Variants in BAG6 observed in about 807,000 individuals in gnomAD.
The protein encoded by BAG6 is large proline-rich protein BAG6.
In BAG6, 22 loss-of-function variants were observed where a neutral mutation model predicts 121.0. That is an observed-to-expected ratio of 0.18 (90% CI 0.13 to 0.26). BAG6 has a LOEUF of 0.26. Ranked by LOEUF, BAG6 falls within the 10% of genes least tolerant of loss-of-function variation. The probability of loss-of-function intolerance (pLI) is 1.00; values close to 1 mark genes in which losing one functional copy is unlikely to be tolerated. For missense variants in BAG6, 1,233 were observed against 1,537.7 expected, an observed-to-expected ratio of 0.80 and a Z score of 3.31; for synonymous variants, 583 against 584.6, an observed-to-expected ratio of 1.00 and a Z score of 0.04.
In BAG6 at chr6:31,639,085, A is replaced by G. The variant is rs763717254; in HGVS notation, c.*46T>C. ...TATTTCTTAAATACTGTGAAGGAAG[A>G]GGGGGGAAACGGTCCCCTGATGAGG... On this transcript the variant is annotated 3_prime_UTR_variant, in exon 26 of 26. Transcript: ENST00000676615. 6.7e-7 allele frequency: 1 copy of G among 1,488,014 alleles called. No individual in the cohort carries two copies. Among genetic ancestry groups the G allele is most frequent in the Non-Finnish European group, 9.3e-7 (1 of 1,079,542 alleles). 92.2% of individuals were successfully genotyped at this position (1,488,014 alleles called of 1,614,324 possible).
At position 31,642,175 on chromosome 6, in the gene BAG6, C is replaced by T; in HGVS notation, c.2272G>A (p.Ala758Thr). 6.2e-7 allele frequency: 1 copy of T among 1,612,952 alleles called. No homozygotes were observed. Among genetic ancestry groups the T allele is most frequent in the Non-Finnish European group, 8.5e-7 (1 of 1,180,008 alleles). The part of the protein sequence containing the change: ...ARAGSSESIA[A>T]FIQRLSGSSN... ...GATCCACTGAGGCGTTGTATGAAGG[C>T]AGCAATACTTTCACTGCTGCCAGCC... Residue 758 changes from alanine (A) to threonine (T), a missense_variant, in exon 16 of 26, where the codon GCC becomes ACC. Ala to Thr is a moderately conservative substitution (Grantham distance 58, BLOSUM62 0). Coordinates refer to ENST00000676615, the MANE Select transcript of BAG6 (RefSeq NM_001387994.1).
At position 31,647,726 on chromosome 6, in the gene BAG6, A is replaced by G. The variant is rs771791574; in HGVS notation, c.653T>C (p.Val218Ala). ...CTCCCGGGGAGGTGCTTCACTTTCAACTGGTTCTGATGTTTGAGAGCTCAA... is the reference window on the plus strand; with the variant it reads ...CTCCCGGGGAGGTGCTTCACTTTCAGCTGGTTCTGATGTTTGAGAGCTCAA... The part of the protein sequence containing the change: ...VALSSQTSEP[V>A]ESEAPPREPM... The change falls in exon 7 of 26, where the codon GTT becomes GCT. Residue 218 changes from valine (V) to alanine (A), a missense_variant. This residue lies in a region of BAG6 where 777 missense variants were observed against 861.4 expected (regional missense o/e 0.90). Transcript: ENST00000676615. The G allele has an allele frequency of 5.6e-6, 9 of 1,603,768 alleles. No homozygotes were observed. The highest frequency in any genetic ancestry group is 7.6e-6 in the Non-Finnish European group (9 of 1,176,650).
At chr6:31,647,977 T>C in intron 6 of BAG6, 151 bp from the exon 7 acceptor site, 2 of 1,047,682 alleles carry the variant, frequency 1.9e-6, no homozygotes, top group South Asian at 5.3e-5. Context: ...GCAACTAGCA[T>C]AAGACTGACA....
chr6:31,652,609 C>A lies in BAG6; in HGVS notation c.-199G>T, dbSNP rs1798684182. Reference sequence around the variant, plus strand: ...GGCCTAGGTGGGAGGGAGCCGAGCACCCCGAGGAGCCGCCACCGCTGTCGC... The same window carrying A: ...GGCCTAGGTGGGAGGGAGCCGAGCAACCCGAGGAGCCGCCACCGCTGTCGC... On this transcript the variant is annotated 5_prime_UTR_variant, in exon 1 of 26. Transcript: ENST00000676615. 1 of 152,410 alleles carries A rather than the reference C, an allele frequency of 6.6e-6. No homozygotes were observed. 9.4% of individuals were successfully genotyped at this position (152,410 alleles called of 1,614,324 possible). A position where few individuals can be genotyped will look rare whatever the true frequency, so the allele number is the denominator to read the frequency against.
At position 31,644,560 on chromosome 6, in the gene BAG6, C is replaced by A. The variant is rs1488711456; in HGVS notation, c.1412G>T (p.Gly471Val). ...GCCATGACCAGGGGGTCCCAGGGGG[C>A]CAGTGGGAGCACTCGGAACACCACC... is the stretch of plus-strand genomic sequence containing the variant. ...QPGGVPSAPTGPLGPPGHGQT... is the reference protein window; with the variant it reads ...QPGGVPSAPTVPLGPPGHGQT... Residue 471 changes from glycine to valine, a missense_variant, in exon 11 of 26, where the codon GGC (glycine) becomes GTC (valine). Physicochemically the swap from Gly to Val is moderately radical, Grantham distance 109. Transcript: ENST00000676615. The surrounding 1 kb of genome is among the most constrained non-coding windows in gnomAD (Gnocchi z 4.9). 10 of 1,612,344 alleles carry A rather than the reference C, an allele frequency of 6.2e-6. No individual in the cohort carries two copies. Among genetic ancestry groups the A allele is most frequent in the Non-Finnish European group, 8.5e-6 (10 of 1,179,676 alleles).
At position 31,640,974 on chromosome 6, in the gene BAG6, C is replaced by T; in HGVS notation, c.2788-36G>A. 6.2e-7 allele frequency: 1 copy of T among 1,605,462 alleles called. No homozygotes were observed. Among genetic ancestry groups the T allele is most frequent in the Non-Finnish European group, 8.5e-7 (1 of 1,175,342 alleles). ...GAAAGCAGATTTAGAACACAAAACC[C>T]TCAACCACCTTTAGAAATAGATTAG... is the stretch of plus-strand genomic sequence containing the variant. On this transcript the variant is annotated intron_variant, in intron 20 of 25. Transcript: ENST00000676615. This position sits in a 1 kb window ranked among gnomAD's most constrained non-coding sequence, Gnocchi z 4.2.
At chr6:31,652,066 A>C in intron 1 of BAG6, 1 of 324,870 alleles carries the variant, frequency 3.1e-6, no homozygotes, top group Non-Finnish European at 5.9e-6. Context: ...GAGACCAGAG[A>C]CTAGTGTCAT....
intron 25 of BAG6, 101 bp from the exon 26 acceptor site, chr6:31,639,327 C>CT: frequency 6.9e-7 from 1 of 1,452,666 alleles, no homozygotes; most frequent in Non-Finnish European, 9.5e-7. Flanking sequence ...TTTCCCCCCC[C>CT]AAGCACACTG....
intron 7 of BAG6, 126 bp from the exon 8 acceptor site, chr6:31,646,649 G>A (rs78549411): frequency 8.2e-7 from 1 of 1,223,040 alleles, no homozygotes; most frequent in Non-Finnish European, 1.1e-6. Context: ...TCCTTCTCTG[G>A]ACCAGCAGAG....
Position 31,639,573 on chromosome 6 carries a change from C to T in BAG6, c.3320G>A (p.Arg1107Gln), listed in dbSNP as rs781712151. The T allele has an allele frequency of 2.0e-5, 32 of 1,613,972 alleles. No homozygotes were observed. Among genetic ancestry groups the T allele is most frequent in the East Asian group, 4.5e-5 (2 of 44,890 alleles). The change falls in exon 25 of 26, where the codon CGG becomes CAG. Residue 1107 changes from arginine to glutamine, a missense_variant. Arg to Gln is a conservative substitution (Grantham distance 43, BLOSUM62 1). This residue lies in a region of BAG6 where 102 missense variants were observed against 103.2 expected (regional missense o/e 0.99). Transcript: ENST00000676615. ...CAGGCTCTCGGGGCTCGTCAGGGGC[C>T]GAGCTCCGGCTGCCTTAGCTGCCCG... Reference protein sequence around the residue: ...VSRAAKAAGARPLTSPESLSR... With the variant: ...VSRAAKAAGAQPLTSPESLSR...
At position 31,640,936 on chromosome 6, in the gene BAG6, A is replaced by T. The variant is rs1010410013; in HGVS notation, c.2790T>A (p.Arg930=). The change falls in exon 21 of 26, where the codon CGT becomes CGA. Residue 930 remains arginine, a splice_region_variant and synonymous_variant. Transcript: ENST00000676615. This position sits in a 1 kb window ranked among gnomAD's most constrained non-coding sequence, Gnocchi z 4.2. ...AGGGATTCACCCCACGAGACATACG[A>T]CGCTGAGGGACAGAAAGCAGATTTA... The part of the protein sequence containing the change: ...ELAAVINGRI[R]RMSRGVNPSL... 1 of 1,611,806 alleles carries T rather than the reference A, an allele frequency of 6.2e-7. No homozygotes were observed. Among genetic ancestry groups the T allele is most frequent in the Non-Finnish European group, 8.5e-7 (1 of 1,179,390 alleles).
intron 1 of BAG6, 176 bp from the exon 2 acceptor site, chr6:31,651,952 G>C: frequency 1.8e-6 from 1 of 553,156 alleles, no homozygotes; most frequent in Admixed American, 2.9e-5. Context: ...AAACACAAAG[G>C]GCAGGAGATC....
chr6:31,639,453 C>T (rs779847035), intron 25 of BAG6, 47 bp downstream of exon 25: 7 of 1,583,786 alleles, frequency 4.4e-6, no homozygotes, highest in African/African-American at 1.3e-5. Context: ...GGGACCCTAG[C>T]CCAACCCCTC....
rs1262479798 is a variant in BAG6 at position 31,641,600 on chromosome 6, G to C, written c.2506-8C>G. 1 of 1,613,998 alleles carries C rather than the reference G, an allele frequency of 6.2e-7. No homozygotes were observed. The highest frequency in any genetic ancestry group is 8.5e-7 in the Non-Finnish European group (1 of 1,179,962). ...CAATGTGTGGGTTGCCATCTGTGGA[G>C]GAAACAGAACAGGTTTAGTTCAAAG... On this transcript the variant is annotated splice_region_variant and splice_polypyrimidine_tract_variant and intron_variant, in intron 17 of 25. Coordinates refer to ENST00000676615, the MANE Select transcript of BAG6 (RefSeq NM_001387994.1). The surrounding 1 kb of genome is among the most constrained non-coding windows in gnomAD (Gnocchi z 5.7).
Position 31,644,425 on chromosome 6 carries a change from G to A in BAG6, c.1448-11C>T. On this transcript the variant is annotated splice_polypyrimidine_tract_variant and intron_variant, in intron 11 of 25. Transcript: ENST00000676615. This position sits in a 1 kb window ranked among gnomAD's most constrained non-coding sequence, Gnocchi z 4.9. ...GGATGAGGGTGGAGCCTGGGGGGCG[G>A]GTCTGATGTAACCTTGAACCTGGAC... The A allele has an allele frequency of 6.4e-7, 1 of 1,551,288 alleles. No individual in the cohort carries two copies. Among genetic ancestry groups the A allele is most frequent in the Middle Eastern group, 1.7e-4 (1 of 5,972 alleles).
intron 2 of BAG6, 75 bp from the exon 3 acceptor site, chr6:31,649,702 T>G: frequency 1.5e-6 from 2 of 1,354,474 alleles, no homozygotes; most frequent in South Asian, 2.4e-5. Context: ...AACCGAGTTG[T>G]GGAGGTGAGG....
Position 31,642,332 on chromosome 6 carries a change from C to T in BAG6, c.2115G>A (p.Met705Ile). ...CACCAGAAGGGGAGCCTGGTGGGGGCATGGTCTGCTGCTCTGGGGCAGGTG... is the reference window on the plus strand; with the variant it reads ...CACCAGAAGGGGAGCCTGGTGGGGGTATGGTCTGCTGCTCTGGGGCAGGTG... ...PPPPAPEQQT[M>I]PPPGSPSGGA... The change falls in exon 16 of 26, where the codon ATG becomes ATA. Residue 705 changes from methionine to isoleucine, a missense_variant. Physicochemically the swap from Met to Ile is conservative, Grantham distance 10 (BLOSUM62 1). Coordinates refer to ENST00000676615, the MANE Select transcript of BAG6 (RefSeq NM_001387994.1). 1 of 1,276,938 alleles carries T rather than the reference C, an allele frequency of 7.8e-7. No homozygotes were observed. Among genetic ancestry groups the T allele is most frequent in the African/African-American group, 1.8e-5 (1 of 56,436 alleles). 79.1% of individuals were successfully genotyped at this position (1,276,938 alleles called of 1,614,324 possible).
At position 31,642,947 on chromosome 6, in the gene BAG6, C is replaced by G; in HGVS notation, c.1925G>C (p.Gly642Ala). The change falls in exon 15 of 26, where the codon GGG becomes GCG. Residue 642 changes from glycine to alanine, a missense_variant. Gly to Ala is a moderately conservative substitution (Grantham distance 60, BLOSUM62 0). Transcript: ENST00000676615. ...TGGCCCTGCAGGCCCTAGCAGGTTC[C>G]CCAGAAGCTGAGAGAACTGAAGATC... ...MADLQFSQLL[G>A]NLLGPAGPGA... is the part of the protein sequence containing the mutation. The G allele has an allele frequency of 6.2e-7, 1 of 1,606,642 alleles. No individual in the cohort carries two copies. The highest frequency in any genetic ancestry group is 8.5e-7 in the Non-Finnish European group (1 of 1,176,860).
intron 2 of BAG6, among the ~76,000 whole-genome samples, chr6:31,651,412 G>A (rs533907990): frequency 5.3e-5 from 8 of 152,232 alleles, no homozygotes; most frequent in Non-Finnish European, 1.2e-4. Flanking sequence ...AGTGGCACAC[G>A]CCTATAATCC....
Sources: gnomAD v4.1 joint callset for allele counts (sites outside exome capture counted in the v4.1 genomes callset) on GRCh38, gnomAD v4.1.1 for gene constraint, gnomAD v4.1.1 regional missense constraint, Gnocchi (gnomAD v3.1) non-coding constraint, MANE v1.5 for transcripts, NCBI Gene and HGNC (gene_info 2026-07-23, HGNC 2026-07-21) for gene names.